SAMD5: variants seen among roughly 807,000 people sequenced by gnomAD.
SAMD5 encodes the protein sterile alpha motif domain-containing protein 5.
A neutral mutation model predicts 11.3 loss-of-function variants in SAMD5; 13 were observed. The observed-to-expected ratio is 1.15, with a 90% CI of 0.75 to 1.83. SAMD5 has a LOEUF of 1.83. Ranked by LOEUF, SAMD5 falls within the 40% of genes most tolerant of loss-of-function variation. The probability of loss-of-function intolerance (pLI) is 0.00; values close to 1 mark genes in which losing one functional copy is unlikely to be tolerated. For missense variants in SAMD5, 255 were observed against 239.1 expected, an observed-to-expected ratio of 1.07 and a Z score of -0.44; for synonymous variants, 129 against 111.3, an observed-to-expected ratio of 1.16 and a Z score of -1.00.
the SAMD5 span, among the ~76,000 whole-genome samples, chr6:147,862,676 T>G: frequency 6.6e-6 from 1 of 152,182 alleles, no homozygotes; most frequent in South Asian, 2.1e-4. Flanking sequence ...AGTATAGCAT[T>G]TTTATGTTAT....
chr6:147,829,286 G>A, the SAMD5 span, among the ~76,000 whole-genome samples: 4 of 152,228 alleles, frequency 2.6e-5, no homozygotes, highest in South Asian at 2.1e-4. Context: ...CCTGGCAACT[G>A]TGCCTGAGAA....
chr6:147,531,667 C>T (rs1253029914), intron 1 of SAMD5, among the ~76,000 whole-genome samples: 1 of 152,072 alleles, frequency 6.6e-6, no homozygotes, highest in African/African-American at 2.4e-5. Flanking sequence ...GGATGGCTTC[C>T]CATATAAGAG....
the SAMD5 span, among the ~76,000 whole-genome samples, chr6:147,941,016 T>A: frequency 6.6e-6 from 1 of 152,150 alleles, no homozygotes; most frequent in African/African-American, 2.4e-5. Flanking sequence ...TTTTCAGGGT[T>A]CCTGAAAACA....
chr6:147,652,139 G>C (rs1166959338), intron 1 of SAMD5, among the ~76,000 whole-genome samples: 4 of 152,200 alleles, frequency 2.6e-5, no homozygotes, highest in African/African-American at 9.7e-5. Context: ...AGTTGACTTA[G>C]GCTAGCATTT....
chr6:147,932,639 T>TGTGTGTG, the SAMD5 span, among the ~76,000 whole-genome samples: 1 of 85,224 alleles, frequency 1.2e-5, no homozygotes, highest in Non-Finnish European at 2.5e-5. Flanking sequence ...TGTGTGTGTG[T>TGTGTGTG]TGGGGGAGGG....
intron 1 of SAMD5, among the ~76,000 whole-genome samples, chr6:147,629,075 G>C (rs1039700559): frequency 1.3e-5 from 2 of 152,136 alleles, no homozygotes; most frequent in African/African-American, 4.8e-5. Context: ...AGGATCACCT[G>C]AGGTCAGGAG....
intron 1 of SAMD5, among the ~76,000 whole-genome samples, chr6:147,697,551 T>G (rs564142390): frequency 6.6e-6 from 1 of 152,326 alleles, no homozygotes; most frequent in South Asian, 2.1e-4. Context: ...GTTTATTACT[T>G]ATCACTTGAT....
At chr6:147,531,249 A>C (rs1788426595) in intron 1 of SAMD5, among the ~76,000 whole-genome samples, 1 of 152,062 alleles carries the variant, frequency 6.6e-6, no homozygotes, top group African/African-American at 2.4e-5. Flanking sequence ...GTTTTAGAAA[A>C]ATATTTTAAT....
At chr6:147,582,355 A>T (rs997081486) in intron 1 of SAMD5, among the ~76,000 whole-genome samples, 1 of 150,952 alleles carries the variant, frequency 6.6e-6, no homozygotes, top group African/African-American at 2.4e-5. Flanking sequence ...AAAGGAAAGG[A>T]TGGGTGTGGC....
the SAMD5 span, among the ~76,000 whole-genome samples, chr6:147,791,443 T>C: frequency 6.6e-6 from 1 of 152,268 alleles, no homozygotes; most frequent in South Asian, 2.1e-4. Flanking sequence ...TAAAGCTGGG[T>C]GCATGTGGTT....
At chr6:147,857,769 A>G in the SAMD5 span, among the ~76,000 whole-genome samples, 2 of 152,206 alleles carry the variant, frequency 1.3e-5, no homozygotes, top group African/African-American at 4.8e-5. Flanking sequence ...AGTTATCAAA[A>G]TATGTACAAA....
chr6:147,931,212 A>G, the SAMD5 span, among the ~76,000 whole-genome samples: 1 of 152,316 alleles, frequency 6.6e-6, no homozygotes, highest in Non-Finnish European at 1.5e-5. Flanking sequence ...ATCATAAATA[A>G]TCTATTTTTT....
the SAMD5 span, among the ~76,000 whole-genome samples, chr6:147,772,438 T>A: frequency 6.6e-6 from 1 of 152,112 alleles, no homozygotes; most frequent in Non-Finnish European, 1.5e-5. Flanking sequence ...ATTTTCAGGC[T>A]ATTAAATTTT....
the SAMD5 span, among the ~76,000 whole-genome samples, chr6:147,855,880 C>G: frequency 1.3e-5 from 2 of 152,162 alleles, no homozygotes; most frequent in African/African-American, 4.8e-5. Flanking sequence ...TCTTTAAAAA[C>G]TTAAAAATAC....
At chr6:147,798,521 G>A in the SAMD5 span, among the ~76,000 whole-genome samples, 3 of 150,736 alleles carry the variant, frequency 2.0e-5, no homozygotes, top group South Asian at 6.4e-4. Context: ...GTGTGGTGTG[G>A]TGCTGAAAAA....
intron 1 of SAMD5, among the ~76,000 whole-genome samples, chr6:147,585,423 T>TA (rs1168915106): frequency 1.3e-5 from 2 of 151,906 alleles, no homozygotes; most frequent in Non-Finnish European, 2.9e-5. Context: ...CCAAACAGAG[T>TA]AAGAGTTTGC....
the SAMD5 span, among the ~76,000 whole-genome samples, chr6:147,848,622 T>G: frequency 6.6e-6 from 1 of 152,136 alleles, no homozygotes; most frequent in African/African-American, 2.4e-5. Flanking sequence ...CCTGTAGAAC[T>G]CCAATTCTTA....
the SAMD5 span, among the ~76,000 whole-genome samples, chr6:147,784,784 C>CA: frequency 6.6e-6 from 1 of 152,034 alleles, no homozygotes; most frequent in African/African-American, 2.4e-5. Context: ...TTTTTTTCCC[C>CA]TGAACTTTAT....
chr6:147,732,369 G>T (rs1791728022), intron 1 of SAMD5, among the ~76,000 whole-genome samples: 1 of 152,126 alleles, frequency 6.6e-6, no homozygotes, highest in Non-Finnish European at 1.5e-5. Flanking sequence ...TAGTGTTTTA[G>T]GTTTGCTAAT....
Sources: allele counts gnomAD v4.1 joint callset (sites outside exome capture counted in the v4.1 genomes callset), GRCh38; gene constraint gnomAD v4.1.1; transcripts MANE v1.5; gene names NCBI Gene and HGNC (gene_info 2026-07-23, HGNC 2026-07-21).